The following CACNA2D4 variants were observed in gnomAD, a reference collection of about 807,000 sequenced individuals.
CACNA2D4 encodes the protein voltage-dependent calcium channel subunit alpha-2/delta-4.
Under a neutral mutation model 163.8 loss-of-function variants are expected in CACNA2D4, and 157 were observed. That is an observed-to-expected ratio of 0.96 (90% CI 0.84 to 1.09). The LOEUF is 1.09. Ranked by LOEUF, CACNA2D4 falls within the 50% of genes least tolerant of loss-of-function variation. The probability of loss-of-function intolerance (pLI) is 0.00; values close to 1 mark genes in which losing one functional copy is unlikely to be tolerated. For missense variants in CACNA2D4, 1,410 were observed against 1,479.9 expected, an observed-to-expected ratio of 0.95 and a Z score of 0.78; for synonymous variants, 598 against 586.9, an observed-to-expected ratio of 1.02 and a Z score of -0.27.
intron 29 of CACNA2D4, among the ~76,000 whole-genome samples, chr12:1,807,807 G>T (rs888755294): frequency 2.6e-5 from 4 of 152,262 alleles, no homozygotes; most frequent in Middle Eastern, 3.4e-3. Flanking sequence ...CCTGATCACA[G>T]TGGGGGAGCA....
Position 1,799,312 on chromosome 12 carries a change from A to G in CACNA2D4, c.2995+363T>C, listed in dbSNP as rs1318983161. On this transcript the variant is annotated intron_variant, in intron 34 of 37. Coordinates refer to ENST00000382722, the MANE Select transcript of CACNA2D4 (RefSeq NM_172364.5). The surrounding 1 kb of genome is among the most constrained non-coding windows in gnomAD (Gnocchi z 4.7). Reference sequence around the variant, plus strand: ...GCTTCCTGGGGCCCCTGGAACCCGGAGTCCCGCTGAGGGCTGGGGTGCCGC... The same window carrying G: ...GCTTCCTGGGGCCCCTGGAACCCGGGGTCCCGCTGAGGGCTGGGGTGCCGC... 6.6e-6 allele frequency among the ~76,000 whole-genome samples: 1 copy of G among 152,104 alleles called. No homozygotes were observed. Among genetic ancestry groups the G allele is most frequent in the Non-Finnish European group, 1.5e-5 (1 of 68,014 alleles).
chr12:1,811,396 C>G (rs1863703523), intron 27 of CACNA2D4, among the ~76,000 whole-genome samples: 1 of 152,216 alleles, frequency 6.6e-6, no homozygotes, highest in Non-Finnish European at 1.5e-5. Context: ...TCTCCCTTTT[C>G]AGCGGGGAGG....
intron 2 of CACNA2D4, among the ~76,000 whole-genome samples, chr12:1,913,926 C>G (rs1866895716): frequency 6.6e-6 from 1 of 152,224 alleles, no homozygotes; most frequent in African/African-American, 2.4e-5. Flanking sequence ...CCCAAACGGC[C>G]ACATCCGTAC....
At chr12:1,809,677 C>G in intron 29 of CACNA2D4, 1 of 644,608 alleles carries the variant, frequency 1.6e-6, no homozygotes, top group Non-Finnish European at 2.8e-6. Flanking sequence ...AGGGAGATAC[C>G]CACAGCCAGC....
At chr12:1,862,204 C>T (rs1035601925) in intron 18 of CACNA2D4, among the ~76,000 whole-genome samples, 2 of 152,142 alleles carry the variant, frequency 1.3e-5, no homozygotes, top group Admixed American at 6.6e-5. Context: ...TATCCTGGGA[C>T]ATGTGTTTGC....
In CACNA2D4 at chr12:1,853,952, C is replaced by T. The variant is rs571231247; in HGVS notation, c.2245G>A (p.Glu749Lys). ...GGGAACCTGGGAACCTGGACCTACTCGGACATGTTGAGGGCCAGCGCTGTC... is the reference window on the plus strand; with the variant it reads ...GGGAACCTGGGAACCTGGACCTACTTGGACATGTTGAGGGCCAGCGCTGTC... The part of the protein sequence containing the change: ...YWTALALNMS[E>K]ESEHVVDMAF... The change falls in exon 23 of 38, where the codon GAG (glutamate) becomes AAG (lysine). Residue 749 changes from glutamate to lysine, a missense_variant and splice_region_variant. By Grantham distance (56) the Glu-to-Lys change is moderately conservative. Coordinates refer to ENST00000382722, the MANE Select transcript of CACNA2D4 (RefSeq NM_172364.5). 14 of 1,612,136 alleles carry T rather than the reference C, an allele frequency of 8.7e-6. No homozygotes were observed. The highest frequency in any genetic ancestry group is 2.2e-5 in the East Asian group (1 of 44,820).
Position 1,799,866 on chromosome 12 carries a change from G to C in CACNA2D4, c.2974+134C>G, listed in dbSNP as rs1195876158. 1 of 1,256,958 alleles carries C rather than the reference G, an allele frequency of 8.0e-7. No homozygotes were observed. Among genetic ancestry groups the C allele is most frequent in the East Asian group, 2.5e-5 (1 of 39,416 alleles). The allele number at this position is 1,256,958 out of a possible 1,614,324, so 77.9% of individuals were successfully genotyped here. A position where few individuals can be genotyped will look rare whatever the true frequency, so the allele number is the denominator to read the frequency against. On this transcript the variant is annotated intron_variant, in intron 33 of 37. Transcript: ENST00000382722. This position sits in a 1 kb window ranked among gnomAD's most constrained non-coding sequence, Gnocchi z 4.7. The stretch of plus-strand genomic sequence containing the variant: ...GGATGTGATGAGAGAAGGCCACGCA[G>C]GGTGAGATGTGAACAACGATGCTTC...
At chr12:1,870,770 G>T (rs1273136650) in intron 18 of CACNA2D4, among the ~76,000 whole-genome samples, 2 of 152,056 alleles carry the variant, frequency 1.3e-5, no homozygotes, top group Admixed American at 1.3e-4. Flanking sequence ...TTGGGAGGGG[G>T]TCTGTGAATT....
intron 26 of CACNA2D4, among the ~76,000 whole-genome samples, chr12:1,819,177 G>A (rs1863995697): frequency 6.6e-6 from 1 of 152,114 alleles, no homozygotes; most frequent in Non-Finnish European, 1.5e-5. Context: ...CCACCCATGG[G>A]CAGGAGAGCA....
rs763071555 is a variant in CACNA2D4, at chr12:1,914,852, A to T, written c.309+2T>A. 6.2e-7 allele frequency: 1 copy of T among 1,611,004 alleles called. No individual in the cohort carries two copies. The highest frequency in any genetic ancestry group is 1.1e-5 in the South Asian group (1 of 91,012). On this transcript the variant is annotated splice_donor_variant, in intron 2 of 37. Transcript: ENST00000382722. LOFTEE classifies it high-confidence loss of function. ...TGGGCTCTCTGGAAGGGGGTGACTG[A>T]CCTTCTGCAGCAAGAGAGAGCCTGA... is the stretch of plus-strand genomic sequence containing the variant.
rs570549501 is a variant in CACNA2D4, at chr12:1,826,839, C to T, written c.2551+13900G>A. ...CAGGGTTTGCAGCAGGACCCTAATG[C>T]CCGAGGGGAAACCTGCACAGACAGG... On this transcript the variant is annotated intron_variant, in intron 26 of 37. Transcript: ENST00000382722. 3.9e-5 allele frequency among the ~76,000 whole-genome samples: 6 copies of T among 152,318 alleles called. No individual in the cohort carries two copies. The South Asian group carries it at 1.2e-3, about 32-fold the overall frequency.
At chr12:1,850,153 C>T (rs1308206366) in intron 23 of CACNA2D4, among the ~76,000 whole-genome samples, 1 of 152,130 alleles carries the variant, frequency 6.6e-6, no homozygotes, top group East Asian at 1.9e-4. Context: ...TCATCAAATT[C>T]CCCTCGACGG....
intron 7 of CACNA2D4, 69 bp from the exon 8 acceptor site, chr12:1,886,442 C>G (rs1310387242): frequency 1.4e-6 from 2 of 1,469,278 alleles, no homozygotes; most frequent in Non-Finnish European, 1.9e-6. Flanking sequence ...ACCAAGGGGT[C>G]TGCAGTTATT....
Position 1,854,501 on chromosome 12 carries a change from G to A in CACNA2D4, c.2153-457C>T, listed in dbSNP as rs534518125. Among the ~76,000 whole-genome samples, 3 of 152,234 alleles carry A rather than the reference G, an allele frequency of 2.0e-5. No individual in the cohort carries two copies. In the East Asian group the frequency reaches 5.8e-4, roughly 29 times the overall value. On this transcript the variant is annotated intron_variant, in intron 22 of 37. Transcript: ENST00000382722. ...GCTCACTTCAACCTCCGCCTCCCAGGTTTAAGCAATTCTCCTGCCTCAGCC... is the reference window on the plus strand; with the variant it reads ...GCTCACTTCAACCTCCGCCTCCCAGATTTAAGCAATTCTCCTGCCTCAGCC...
chr12:1,859,996 G>A, intron 19 of CACNA2D4, 149 bp downstream of exon 19: 1 of 641,836 alleles, frequency 1.6e-6, no homozygotes, highest in South Asian at 1.9e-5. Flanking sequence ...CTGCATTCTA[G>A]GCTACACTGG....
intron 26 of CACNA2D4, among the ~76,000 whole-genome samples, chr12:1,822,666 A>C (rs1864154432): frequency 6.6e-6 from 1 of 152,224 alleles, no homozygotes. Flanking sequence ...ATGTGTTTTA[A>C]AATGAACCAG....
chr12:1,882,908 C>A lies in CACNA2D4; in HGVS notation c.1444G>T (p.Asp482Tyr). 1 of 1,613,818 alleles carries A rather than the reference C, an allele frequency of 6.2e-7. No homozygotes were observed. Among genetic ancestry groups the A allele is most frequent in the South Asian group, 1.1e-5 (1 of 91,000 alleles). Residue 482 changes from aspartate (D) to tyrosine (Y), a missense_variant, in exon 13 of 38, where the codon GAC (aspartate) becomes TAC (tyrosine). Coordinates refer to ENST00000382722, the MANE Select transcript of CACNA2D4 (RefSeq NM_172364.5). ...VLSRPMVINHDHDIIWTEAYM... is the reference protein window; with the variant it reads ...VLSRPMVINHYHDIIWTEAYM... ...GCCTCTGTCCAGATGATGTCGTGGTCGTGGTTGATGACCATGGGGCGGCTG... is the reference window on the plus strand; with the variant it reads ...GCCTCTGTCCAGATGATGTCGTGGTAGTGGTTGATGACCATGGGGCGGCTG...
At chr12:1,909,317 G>A (rs531192483) in intron 4 of CACNA2D4, among the ~76,000 whole-genome samples, 1 of 152,198 alleles carries the variant, frequency 6.6e-6, no homozygotes, top group African/African-American at 2.4e-5. Flanking sequence ...TCAGCCTCCT[G>A]AGTAGCTGGG....
chr12:1,879,947 A>G, intron 13 of CACNA2D4, 66 bp from the exon 14 acceptor site: 1 of 1,103,390 alleles, frequency 9.1e-7, no homozygotes, highest in Non-Finnish European at 1.3e-6. Context: ...CCGCACTCGG[A>G]GCACCCAGTG....
Sources: allele counts gnomAD v4.1 joint callset (sites outside exome capture counted in the v4.1 genomes callset), GRCh38; gene constraint gnomAD v4.1.1; non-coding constraint Gnocchi (gnomAD v3.1); transcripts MANE v1.5; gene names NCBI Gene and HGNC (gene_info 2026-07-23, HGNC 2026-07-21).